The following ANKS1B variants were observed in gnomAD, a reference collection of about 807,000 sequenced individuals.
ANKS1B encodes ankyrin repeat and sterile alpha motif domain containing 1B.
ANKS1B carries 36 observed loss-of-function variants against 148.3 expected under a neutral mutation model. The observed-to-expected ratio is 0.24, with a 90% CI of 0.19 to 0.32. The LOEUF is 0.32. Ranked by LOEUF, ANKS1B falls within the 10% of genes least tolerant of loss-of-function variation. ANKS1B has a pLI of 1.00. For synonymous variants in ANKS1B, 542 were observed against 560.8 expected (o/e 0.97, Z 0.47); for missense variants, 1,157 against 1,542.6 (o/e 0.75, Z 4.19).
chr12:99,231,021 G>A (rs2201162), intron 14 of ANKS1B, among the ~76,000 whole-genome samples: 125,288 of 152,174 alleles, frequency 0.82, 51,919 homozygotes, highest in East Asian at 1. Flanking sequence ...GTTGCAAAGC[G>A]TTTCAGAGAA....
intron 1 of ANKS1B, among the ~76,000 whole-genome samples, chr12:99,829,830 A>AAAAAAC (rs1322044733): frequency 3.3e-5 from 5 of 152,178 alleles, no homozygotes; most frequent in Non-Finnish European, 7.4e-5. Context: ...ATTCGGTCTC[A>AAAAAAC]AAAAACAAAA....
chr12:98,811,027 G>A (rs1235259797), intron 19 of ANKS1B, among the ~76,000 whole-genome samples: 1 of 150,988 alleles, frequency 6.6e-6, no homozygotes, highest in Non-Finnish European at 1.5e-5. Context: ...GAAGAAACAG[G>A]AAAAGGACGA....
rs373517786 is a variant in ANKS1B at position 98,821,213 on chromosome 12, T to C, written c.3066+7961A>G. On this transcript the variant is annotated intron_variant, in intron 19 of 26. Coordinates refer to ENST00000683438, the MANE Select transcript of ANKS1B (RefSeq NM_001352186.2). ...TCTCATTTCTTCAAACCTGGCATTCTAACAAAGCTCATCAAATTAAGTATG... is the reference window on the plus strand; with the variant it reads ...TCTCATTTCTTCAAACCTGGCATTCCAACAAAGCTCATCAAATTAAGTATG... Among the ~76,000 whole-genome samples, 13 of 152,328 alleles carry C rather than the reference T, an allele frequency of 8.5e-5. No individual in the cohort carries two copies. In the South Asian group the frequency reaches 1.9e-3, roughly 22 times the overall value.
intron 12 of ANKS1B, among the ~76,000 whole-genome samples, chr12:99,277,080 T>A (rs2077767657): frequency 6.6e-6 from 1 of 152,210 alleles, no homozygotes; most frequent in Non-Finnish European, 1.5e-5. Context: ...ACAGAGCAGT[T>A]CTTGAAAGGA....
chr12:99,118,793 T>C (rs1418017089), intron 15 of ANKS1B, among the ~76,000 whole-genome samples: 2 of 152,194 alleles, frequency 1.3e-5, no homozygotes, highest in Non-Finnish European at 2.9e-5. Context: ...AGATCAGCCA[T>C]TTTTGACAAA....
intron 8 of ANKS1B, among the ~76,000 whole-genome samples, chr12:99,695,363 A>T (rs1233845632): frequency 6.6e-6 from 1 of 152,196 alleles, no homozygotes; most frequent in Admixed American, 6.5e-5. Flanking sequence ...TTGCTTCTGC[A>T]GTAGAACAGA....
chr12:98,935,218 T>A (rs2099817434), intron 17 of ANKS1B, among the ~76,000 whole-genome samples: 1 of 152,242 alleles, frequency 6.6e-6, no homozygotes, highest in African/African-American at 2.4e-5. Context: ...AATTGATTTT[T>A]CAGCATCTAT....
chr12:99,462,739 T>C (rs1435800319), intron 10 of ANKS1B, among the ~76,000 whole-genome samples: 3 of 152,218 alleles, frequency 2.0e-5, no homozygotes, highest in Admixed American at 2.0e-4. Context: ...CTGTTGGAGA[T>C]GGGCATACTG....
At chr12:99,217,434 C>A (rs1320184557) in intron 14 of ANKS1B, among the ~76,000 whole-genome samples, 1 of 152,114 alleles carries the variant, frequency 6.6e-6, no homozygotes, top group Non-Finnish European at 1.5e-5. Flanking sequence ...TTCTCAAAAT[C>A]TGGTTCCTGT....
At chr12:99,781,280 C>A (rs541410501) in intron 5 of ANKS1B, among the ~76,000 whole-genome samples, 1 of 152,148 alleles carries the variant, frequency 6.6e-6, no homozygotes, top group East Asian at 1.9e-4. Flanking sequence ...CAAATACAAT[C>A]ACAATACAAC....
At chr12:98,891,739 C>T (rs2099753165) in intron 17 of ANKS1B, among the ~76,000 whole-genome samples, 1 of 150,618 alleles carries the variant, frequency 6.6e-6, no homozygotes, top group South Asian at 2.1e-4. Context: ...TGCATATTCA[C>T]TCAAATATGC....
chr12:99,556,439 T>G (rs555062855), intron 9 of ANKS1B, among the ~76,000 whole-genome samples: 100 of 152,294 alleles, frequency 6.6e-4, no homozygotes, highest in African/African-American at 2.4e-3. Flanking sequence ...TGTCTCAATT[T>G]CATTCAGTTC....
intron 8 of ANKS1B, among the ~76,000 whole-genome samples, chr12:99,719,526 C>T (rs1331309866): frequency 6.6e-6 from 1 of 152,140 alleles, no homozygotes; most frequent in African/African-American, 2.4e-5. Flanking sequence ...CAAAGGCAGG[C>T]TATGCTATAG....
rs200352697 is a variant in ANKS1B, at chr12:99,784,419, G to A, written c.670-2322C>T. ...GATCTCCTGACCTCATGATCCACCC[G>A]TCTTGGCCTCCCAAAGTGCTGGGAT... On this transcript the variant is annotated intron_variant, in intron 4 of 26. Transcript: ENST00000683438. 4.7e-4 allele frequency among the ~76,000 whole-genome samples: 72 copies of A among 152,154 alleles called. 1 individual carries two copies. The East Asian group carries it at 9.7e-3, about 20-fold the overall frequency.
chr12:99,259,510 T>A (rs970198929), intron 12 of ANKS1B, among the ~76,000 whole-genome samples: 1 of 152,306 alleles, frequency 6.6e-6, no homozygotes, highest in Admixed American at 6.5e-5. Context: ...ACCATGCTGT[T>A]TGACTCTGAT....
At chr12:99,874,784 C>T (rs2091902750) in intron 1 of ANKS1B, among the ~76,000 whole-genome samples, 1 of 152,172 alleles carries the variant, frequency 6.6e-6, no homozygotes, top group African/African-American at 2.4e-5. Flanking sequence ...TTGCTTATTC[C>T]TCAAAGAGTT....
At chr12:99,167,145 C>G (rs1252360569) in intron 14 of ANKS1B, among the ~76,000 whole-genome samples, 3 of 151,892 alleles carry the variant, frequency 2.0e-5, no homozygotes, top group African/African-American at 7.2e-5. Context: ...CAATCTAAAA[C>G]TACAAAATTT....
intron 8 of ANKS1B, among the ~76,000 whole-genome samples, chr12:99,749,252 T>G (rs2060879928): frequency 6.6e-6 from 1 of 152,086 alleles, no homozygotes; most frequent in South Asian, 2.1e-4. Flanking sequence ...AGTCAAAATG[T>G]GATCAAACTT....
chr12:98,852,926 A>C (rs2153777875), intron 17 of ANKS1B, among the ~76,000 whole-genome samples: 1 of 152,346 alleles, frequency 6.6e-6, no homozygotes, highest in South Asian at 2.1e-4. Flanking sequence ...TCATTCACAG[A>C]GTCCCTATGA....
Sources: allele counts gnomAD v4.1 joint callset (sites outside exome capture counted in the v4.1 genomes callset), GRCh38; gene constraint gnomAD v4.1.1; transcripts MANE v1.5; gene names NCBI Gene and HGNC (gene_info 2026-07-23, HGNC 2026-07-21).